DIAPH2: variants seen among roughly 807,000 people sequenced by gnomAD.
DIAPH2 encodes protein diaphanous homolog 2.
A neutral mutation model predicts 92.7 loss-of-function variants in DIAPH2; 35 were observed. The ratio of observed to expected loss-of-function variants is 0.38; its 90% CI spans 0.29 to 0.50. The LOEUF is 0.50. Among genes scored for constraint, DIAPH2 ranks in the 20% least tolerant of loss-of-function variants. The pLI is 0.94. For missense variants in DIAPH2, 701 were observed against 819.5 expected (o/e 0.86, Z 1.77); for synonymous variants, 301 against 280.4 (o/e 1.07, Z -0.73).
intron 23 of DIAPH2, among the ~76,000 whole-genome samples, chrX:97,263,900 T>A (rs767295771): frequency 2.1e-5 from 2 of 93,992 alleles, no homozygotes; most frequent in Admixed American, 1.2e-4. Flanking sequence ...ACTGTTAGTT[T>A]TTTATTTATT....
chrX:97,583,779 GC>G (rs1158086338), intron 26 of DIAPH2, among the ~76,000 whole-genome samples: 8 of 111,331 alleles, frequency 7.2e-5, no homozygotes, highest in Non-Finnish European at 1.5e-4. Context: ...CAGCCTCGCT[GC>G]CGCCTTGCAG....
chrX:97,183,555 T>G (rs2067557208), intron 22 of DIAPH2, among the ~76,000 whole-genome samples: 1 of 112,305 alleles, frequency 8.9e-6, no homozygotes, highest in Admixed American at 9.5e-5. Flanking sequence ...CATTGCTTAT[T>G]TTTGTCTTCA....
rs1258474169 is a variant in DIAPH2, at chrX:97,172,517, C to G, written c.2719+30723C>G. 1.2e-4 allele frequency among the ~76,000 whole-genome samples: 13 copies of G among 111,709 alleles called. No individual in the cohort carries two copies. In the Admixed American group the frequency reaches 1.2e-3, roughly 11 times the overall value. On this transcript the variant is annotated intron_variant, in intron 22 of 26. Coordinates refer to ENST00000324765, the MANE Select transcript of DIAPH2 (RefSeq NM_006729.5). Reference sequence around the variant, plus strand: ...AGAAACATCTCTATCTCTCTTCTTCCTTTTCAAATATTATACTCACTAGAT... The same window carrying G: ...AGAAACATCTCTATCTCTCTTCTTCGTTTTCAAATATTATACTCACTAGAT...
chrX:97,402,198 C>G (rs1410659305), intron 25 of DIAPH2, among the ~76,000 whole-genome samples: 5 of 81,770 alleles, frequency 6.1e-5, no homozygotes, highest in Non-Finnish European at 9.7e-5. Flanking sequence ...AAGGAATGAT[C>G]ATTTGCATCG....
intron 26 of DIAPH2, among the ~76,000 whole-genome samples, chrX:97,579,451 CA>C (rs1446628632): frequency 1.8e-5 from 2 of 110,906 alleles, no homozygotes; most frequent in East Asian, 5.6e-4. Context: ...TTGCTTTTCT[CA>C]GGTTTGTCAA....
At chrX:97,006,295 T>C (rs1341500119) in intron 17 of DIAPH2, among the ~76,000 whole-genome samples, 6 of 112,067 alleles carry the variant, frequency 5.4e-5, no homozygotes, top group Non-Finnish European at 1.1e-4. Context: ...ATTAGATCCA[T>C]TTGGTCTATG....
chrX:96,783,657 T>C (rs1308798797), intron 4 of DIAPH2, among the ~76,000 whole-genome samples: 1 of 112,321 alleles, frequency 8.9e-6, no homozygotes, highest in Non-Finnish European at 1.9e-5. Flanking sequence ...AGATGAGTGA[T>C]GTCACCAGTT....
intron 5 of DIAPH2, among the ~76,000 whole-genome samples, chrX:96,886,315 T>A (rs1239054244): frequency 9.1e-6 from 1 of 109,804 alleles, no homozygotes; most frequent in Admixed American, 9.8e-5. Context: ...TATGTTATAT[T>A]TTATATATGT....
chrX:97,216,859 G>A lies in DIAPH2; in HGVS notation c.2720-30856G>A, dbSNP rs763487630. On this transcript the variant is annotated intron_variant, in intron 22 of 26. Transcript: ENST00000324765. Reference sequence around the variant, plus strand: ...CTGCTGTGGCACTTATCGATTTTCCGCCTTGAACTATTTGTTTGCTTGCCT... The same window carrying A: ...CTGCTGTGGCACTTATCGATTTTCCACCTTGAACTATTTGTTTGCTTGCCT... 1.3e-4 allele frequency among the ~76,000 whole-genome samples: 15 copies of A among 111,252 alleles called. No individual in the cohort carries two copies. The South Asian group carries it at 5.3e-3, about 39-fold the overall frequency.
chrX:97,017,571 A>C (rs2066268928), intron 17 of DIAPH2, among the ~76,000 whole-genome samples: 1 of 112,019 alleles, frequency 8.9e-6, no homozygotes, highest in Non-Finnish European at 1.9e-5. Flanking sequence ...GATATAGATA[A>C]ATTGAAATAT....
intron 4 of DIAPH2, among the ~76,000 whole-genome samples, chrX:96,869,431 G>A (rs144876568): frequency 0.025 from 2,792 of 110,031 alleles, 105 homozygotes; most frequent in African/African-American, 0.088. Context: ...GCGTGGTGGC[G>A]CACGCCTGGA....
intron 14 of DIAPH2, among the ~76,000 whole-genome samples, chrX:96,946,206 G>A (rs1429800438): frequency 9.0e-6 from 1 of 111,677 alleles, no homozygotes. Flanking sequence ...GTGAATATCC[G>A]AATTGTATTC....
chrX:97,464,942 G>A (rs2070496665), intron 26 of DIAPH2, among the ~76,000 whole-genome samples: 1 of 111,299 alleles, frequency 9.0e-6, no homozygotes, highest in Non-Finnish European at 1.9e-5. Flanking sequence ...TCTGCCTTCT[G>A]GGTTCAAGCA....
intron 10 of DIAPH2, 149 bp from the exon 11 acceptor site, chrX:96,937,084 A>G (rs1010815136): frequency 2.2e-5 from 7 of 322,261 alleles, no homozygotes; most frequent in African/African-American, 1.9e-4. Flanking sequence ...AAATTTAGCT[A>G]CAATTACTTT....
At chrX:96,849,114 AT>A (rs951999327) in intron 4 of DIAPH2, among the ~76,000 whole-genome samples, 9 of 111,273 alleles carry the variant, frequency 8.1e-5, no homozygotes, top group Non-Finnish European at 1.3e-4. Flanking sequence ...CCTTTTATTT[AT>A]TTTTTTATAT....
chrX:96,821,958 A>G (rs899472074), intron 4 of DIAPH2, among the ~76,000 whole-genome samples: 2 of 111,899 alleles, frequency 1.8e-5, no homozygotes, highest in Non-Finnish European at 3.8e-5. Context: ...TCCCACATAC[A>G]AGGCTCACAA....
intron 10 of DIAPH2, among the ~76,000 whole-genome samples, chrX:96,931,359 G>A (rs1476641656): frequency 9.0e-6 from 1 of 111,697 alleles, no homozygotes; most frequent in African/African-American, 3.2e-5. Flanking sequence ...AATTATGATA[G>A]TGTTAAAAAC....
intron 5 of DIAPH2, among the ~76,000 whole-genome samples, chrX:96,905,413 T>C (rs1467597320): frequency 9.0e-6 from 1 of 111,402 alleles, no homozygotes; most frequent in African/African-American, 3.3e-5. Context: ...TTGTCCTTTA[T>C]AAGAATCTAT....
At chrX:97,542,750 A>G (rs1167008413) in intron 26 of DIAPH2, among the ~76,000 whole-genome samples, 2 of 111,422 alleles carry the variant, frequency 1.8e-5, no homozygotes, top group Non-Finnish European at 3.8e-5. Flanking sequence ...TGGTTATATC[A>G]TTACGTATCC....
Sources: gnomAD v4.1 joint callset for allele counts (sites outside exome capture counted in the v4.1 genomes callset) on GRCh38, gnomAD v4.1.1 for gene constraint, MANE v1.5 for transcripts, NCBI Gene and HGNC (gene_info 2026-07-23, HGNC 2026-07-21) for gene names.